Variants in RSPO1 observed in about 807,000 individuals in gnomAD.
The protein encoded by RSPO1 is R-spondin 1, also known as R-spondin-1.
RSPO1 carries 18 observed loss-of-function variants against 26.0 expected under a neutral mutation model. The ratio of observed to expected loss-of-function variants is 0.69; its 90% CI spans 0.48 to 1.03. The LOEUF (loss-of-function observed/expected upper bound fraction) is 1.03, where lower values mean the gene tolerates loss of function less well. Ranked by LOEUF, RSPO1 falls within the 50% of genes least tolerant of loss-of-function variation. The pLI, the probability that RSPO1 is intolerant of heterozygous loss-of-function variation, is 0.00. For synonymous variants in RSPO1, 133 were observed against 137.4 expected, an observed-to-expected ratio of 0.97 and a Z score of 0.22; for missense variants, 309 against 352.3, an observed-to-expected ratio of 0.88 and a Z score of 0.98.
chr1:37,623,076 G>T (rs1024433629), intron 3 of RSPO1, among the ~76,000 whole-genome samples: 5 of 152,068 alleles, frequency 3.3e-5, no homozygotes, highest in Non-Finnish European at 7.4e-5. Context: ...GGAGGGACCA[G>T]GGGGTCAGGT....
rs918027632 is a variant in RSPO1 at position 37,613,813 on chromosome 1, G to C, written c.516C>G (p.Ser172=). 1.9e-6 allele frequency: 3 copies of C among 1,614,018 alleles called. No individual in the cohort carries two copies. Among genetic ancestry groups the C allele is most frequent in the Non-Finnish European group, 2.5e-6 (3 of 1,180,008 alleles). The change falls in exon 6 of 7, where the codon TCC becomes TCG. Residue 172 remains serine (S), a synonymous_variant. Transcript: ENST00000356545. This position sits in a 1 kb window ranked among gnomAD's most constrained non-coding sequence, Gnocchi z 4.5. ...GTAGCACCCTGCGTGTCCGCTCCTC[G>C]GAGCCCCTCCGGAAACCACAGAGCT... ...KQQLCGFRRG[S]EERTRRVLHA... is the part of the protein sequence containing the mutation.
At chr1:37,622,144 A>G (rs749142050) in intron 3 of RSPO1, among the ~76,000 whole-genome samples, 2 of 152,194 alleles carry the variant, frequency 1.3e-5, no homozygotes, top group African/African-American at 2.4e-5. Context: ...GGAGACACTG[A>G]GAAGTATATA....
intron 3 of RSPO1, 52 bp downstream of exon 3, chr1:37,629,516 G>T: frequency 1.3e-6 from 2 of 1,499,174 alleles, no homozygotes; most frequent in Non-Finnish European, 9.3e-7. Flanking sequence ...TTCCTGGGTG[G>T]CCCCCTCCCA....
At chr1:37,619,118 G>C (rs939610460) in intron 3 of RSPO1, among the ~76,000 whole-genome samples, 1 of 152,202 alleles carries the variant, frequency 6.6e-6, no homozygotes, top group African/African-American at 2.4e-5. Context: ...AGCTACTCAG[G>C]TGGCTGAGGC....
At chr1:37,623,535 G>A (rs1644233180) in intron 3 of RSPO1, among the ~76,000 whole-genome samples, 1 of 151,948 alleles carries the variant, frequency 6.6e-6, no homozygotes, top group Non-Finnish European at 1.5e-5. Context: ...TTCCACACAG[G>A]AGGAACAGCC....
At chr1:37,614,664 T>A (rs1336549633) in intron 4 of RSPO1, among the ~76,000 whole-genome samples, 1 of 152,052 alleles carries the variant, frequency 6.6e-6, no homozygotes, top group African/African-American at 2.4e-5. Context: ...GGTGGGGCCG[T>A]CTGGGCCTGG....
At position 37,612,676 on chromosome 1, in the gene RSPO1, G is replaced by A. The variant is rs887817369; in HGVS notation, c.*79C>T. 2.3e-5 allele frequency: 35 copies of A among 1,498,536 alleles called. No individual in the cohort carries two copies. The highest frequency in any genetic ancestry group is 2.3e-4 in the East Asian group (10 of 44,112). The allele number at this position is 1,498,536 out of a possible 1,614,324, so 92.8% of individuals were successfully genotyped here. A position where few individuals can be genotyped will look rare whatever the true frequency, so the allele number is the denominator to read the frequency against. ...TGTGTGTGTATGCTTTGCCCCCGAC[G>A]TTCCAGTTCAGGAAAGCTTGAATCA... On this transcript the variant is annotated 3_prime_UTR_variant, in exon 7 of 7. Coordinates refer to ENST00000356545, the MANE Select transcript of RSPO1 (RefSeq NM_001242908.2).
Position 37,614,323 on chromosome 1 carries a change from G to A in RSPO1, c.297C>T (p.Ile99=), listed in dbSNP as rs759537589. The change falls in exon 5 of 7, where the codon ATC becomes ATT. Residue 99 remains isoleucine (I), a synonymous_variant. Coordinates refer to ENST00000356545, the MANE Select transcript of RSPO1 (RefSeq NM_001242908.2). ...GGCTGAAGCAGGCCTCACAGTGCTC[G>A]ATCTTGCATTCTGAGGAGAGGACAG... ...PDMNKCIKCK[I]EHCEACFSHN... is the part of the protein sequence containing the mutation. 13 of 1,613,684 alleles carry A rather than the reference G, an allele frequency of 8.1e-6. No homozygotes were observed. The Admixed American group carries it at 8.3e-5, about 10-fold the overall frequency.
At position 37,612,922 on chromosome 1, in the gene RSPO1, C is replaced by T. The variant is rs765697741; in HGVS notation, c.626-1G>A. The stretch of plus-strand genomic sequence containing the variant: ...TGGCCTCCCTTCCTCCTCTTCTGCC[C>T]TGAAACAACCAAACAGCAGGAAGAA... On this transcript the variant is annotated splice_acceptor_variant, in intron 6 of 6. Transcript: ENST00000356545. LOFTEE classifies it high-confidence loss of function. The T allele has an allele frequency of 1.2e-6, 2 of 1,613,990 alleles. No homozygotes were observed.
chr1:37,631,358 C>A (rs571263769), intron 2 of RSPO1, among the ~76,000 whole-genome samples: 1 of 152,268 alleles, frequency 6.6e-6, no homozygotes, highest in African/African-American at 2.4e-5. Flanking sequence ...CCCCCAAATG[C>A]CCGTCAGCTG....
chr1:37,619,976 C>T (rs183815056), intron 3 of RSPO1, among the ~76,000 whole-genome samples: 74 of 152,038 alleles, frequency 4.9e-4, no homozygotes, highest in African/African-American at 1.7e-3. Flanking sequence ...CTCGAACTCT[C>T]GACCTCAGGT....
At chr1:37,617,717 G>T (rs930990005) in intron 3 of RSPO1, among the ~76,000 whole-genome samples, 3 of 145,050 alleles carry the variant, frequency 2.1e-5, no homozygotes, top group African/African-American at 7.6e-5. Context: ...AGGCTTCATG[G>T]TTTTCCATCC....
Position 37,613,721 on chromosome 1 carries a change from C to T in RSPO1, c.608G>A (p.Arg203Lys), listed in dbSNP as rs200020734. ...CAGCTCACCCTCAGGACACGGCACT[C>T]TCCTCACTGTGCACCTCCGGGTCTC... The part of the protein sequence containing the change: ...TKETRRCTVR[R>K]VPCPEGQKRR... Residue 203 changes from arginine (R) to lysine (K), a missense_variant, in exon 6 of 7, where the codon AGA (arginine) becomes AAA (lysine). Physicochemically the swap from Arg to Lys is conservative, Grantham distance 26 (BLOSUM62 2). Coordinates refer to ENST00000356545, the MANE Select transcript of RSPO1 (RefSeq NM_001242908.2). This position sits in a 1 kb window ranked among gnomAD's most constrained non-coding sequence, Gnocchi z 4.5. 199 of 1,613,484 alleles carry T rather than the reference C, an allele frequency of 1.2e-4. 1 individual carries two copies. The highest frequency in any genetic ancestry group is 1.7e-4 in the Middle Eastern group (1 of 6,036).
At chr1:37,626,184 A>G (rs1270176949) in intron 3 of RSPO1, among the ~76,000 whole-genome samples, 1 of 152,082 alleles carries the variant, frequency 6.6e-6, no homozygotes, top group South Asian at 2.1e-4. Flanking sequence ...AGGTGAGAAG[A>G]GCTTAATAAC....
chr1:37,618,882 T>C (rs958497216), intron 3 of RSPO1, among the ~76,000 whole-genome samples: 9 of 152,152 alleles, frequency 5.9e-5, no homozygotes, highest in African/African-American at 2.2e-4. Flanking sequence ...GTATCCTGTC[T>C]TTGTATCATG....
Position 37,623,236 on chromosome 1 carries a change from G to A in RSPO1, c.94+6332C>T, listed in dbSNP as rs4307530. ...CAGAGAGGCAGTGAGGGGATGGGGG[G>A]AGAGGAGAGGGGGCTCGACAGTAAG... On this transcript the variant is annotated intron_variant, in intron 3 of 6. Transcript: ENST00000356545. Among the ~76,000 whole-genome samples the A allele has an allele frequency of 5.7e-3, 829 of 144,576 alleles. 8 individuals carry two copies. Among genetic ancestry groups the A allele is most frequent in the African/African-American group, 0.02 (803 of 39,666 alleles). 94.8% of individuals were successfully genotyped at this position (144,576 alleles called of 152,430 possible).
intron 5 of RSPO1, 127 bp downstream of exon 5, chr1:37,614,057 G>A (rs1381135848): frequency 7.5e-7 from 1 of 1,332,658 alleles, no homozygotes; most frequent in Non-Finnish European, 1.1e-6. Context: ...TGGAGACTCA[G>A]AAAGGAGTGG....
At chr1:37,628,852 A>G (rs1430036863) in intron 3 of RSPO1, among the ~76,000 whole-genome samples, 1 of 152,214 alleles carries the variant, frequency 6.6e-6, no homozygotes, top group Non-Finnish European at 1.5e-5. Context: ...GTACAATGAT[A>G]GGATTTTGGT....
At chr1:37,633,792 C>G (rs576202094) in intron 1 of RSPO1, among the ~76,000 whole-genome samples, 2 of 152,290 alleles carry the variant, frequency 1.3e-5, no homozygotes, top group African/African-American at 4.8e-5. Flanking sequence ...TTCTTCACCC[C>G]TCCATCACCC....
Sources: allele counts gnomAD v4.1 joint callset (sites outside exome capture counted in the v4.1 genomes callset), GRCh38; gene constraint gnomAD v4.1.1; non-coding constraint Gnocchi (gnomAD v3.1); transcripts MANE v1.5; gene names NCBI Gene and HGNC (gene_info 2026-07-23, HGNC 2026-07-21).